The following DCLK1 variants were observed in gnomAD, a reference collection of about 807,000 sequenced individuals.
DCLK1 encodes the protein doublecortin like kinase 1, also known as serine/threonine-protein kinase DCLK1.
DCLK1 carries 16 observed loss-of-function variants against 86.2 expected under a neutral mutation model. The observed-to-expected ratio is 0.19, with a 90% CI of 0.13 to 0.28. The LOEUF is 0.28. Ranked by LOEUF, DCLK1 falls within the 10% of genes least tolerant of loss-of-function variation. The pLI is 1.00. For missense variants in DCLK1, 590 were observed against 940.2 expected (o/e 0.63, Z 4.87); for synonymous variants, 369 against 370.5 (o/e 1.00, Z 0.05).
At position 35,965,060 on chromosome 13, in the gene DCLK1, T is replaced by C. The variant is rs553517311; in HGVS notation, c.724-17603A>G. Among the ~76,000 whole-genome samples the C allele has an allele frequency of 7.9e-5, 12 of 152,302 alleles. No individual in the cohort carries two copies. The South Asian group carries it at 2.5e-3, about 32-fold the overall frequency. ...AGCCATAACTTAAGTTGCTCTAACA[T>C]GAAATCTGCAAGTTCCTTTACATCA... On this transcript the variant is annotated intron_variant, in intron 3 of 16. Transcript: ENST00000360631.
At chr13:35,913,818 T>C (rs762990668) in intron 4 of DCLK1, among the ~76,000 whole-genome samples, 6 of 152,082 alleles carry the variant, frequency 3.9e-5, no homozygotes, top group Non-Finnish European at 7.4e-5. Flanking sequence ...TACGGAAGCA[T>C]AATATATAAA....
At position 36,104,631 on chromosome 13, in the gene DCLK1, G is replaced by A. The variant is rs73165317; in HGVS notation, c.723+7238C>T. On this transcript the variant is annotated intron_variant, in intron 3 of 16. Coordinates refer to ENST00000360631, the MANE Select transcript of DCLK1 (RefSeq NM_001330071.2). ...CATCAATATAAATATATATAGCAAC[G>A]AGTCCAATGCCAGGCACAGAGAAGG... 1.9e-3 allele frequency among the ~76,000 whole-genome samples: 283 copies of A among 151,810 alleles called. 1 individual carries two copies. The highest frequency in any genetic ancestry group is 2.1e-3 in the Non-Finnish European group (146 of 67,964).
chr13:35,775,018 A>T (rs1047869092), intron 16 of DCLK1, among the ~76,000 whole-genome samples: 2 of 152,180 alleles, frequency 1.3e-5, no homozygotes, highest in African/African-American at 4.8e-5. Flanking sequence ...GGCTAGCCAG[A>T]GGACACTCCC....
At chr13:36,001,586 G>T (rs1435651838) in intron 3 of DCLK1, among the ~76,000 whole-genome samples, 5 of 152,112 alleles carry the variant, frequency 3.3e-5, no homozygotes, top group African/African-American at 1.2e-4. Flanking sequence ...TCTGCCAGAA[G>T]ACATCTCATT....
chr13:35,892,312 G>A (rs1873694824), intron 4 of DCLK1, among the ~76,000 whole-genome samples: 2 of 152,158 alleles, frequency 1.3e-5, no homozygotes. Flanking sequence ...ATTCCCAACA[G>A]CTTTTGATGA....
chr13:36,130,786 C>T (rs1431205138), intron 1 of DCLK1, among the ~76,000 whole-genome samples: 3 of 152,216 alleles, frequency 2.0e-5, no homozygotes, highest in Non-Finnish European at 2.9e-5. Context: ...TCTCCCAGCT[C>T]CTCCGCCCTG....
intron 3 of DCLK1, among the ~76,000 whole-genome samples, chr13:35,954,167 C>A (rs1187474947): frequency 6.6e-6 from 1 of 151,896 alleles, no homozygotes; most frequent in East Asian, 1.9e-4. Context: ...CTGTAGCTAA[C>A]AGTTTAATGA....
At chr13:35,890,707 C>T (rs149644314) in intron 4 of DCLK1, among the ~76,000 whole-genome samples, 11 of 152,066 alleles carry the variant, frequency 7.2e-5, no homozygotes, top group Non-Finnish European at 1.2e-4. Context: ...AGCTTCTCCA[C>T]GCTTTGACAA....
chr13:36,117,272 G>C (rs751440237), intron 2 of DCLK1, among the ~76,000 whole-genome samples: 10 of 151,900 alleles, frequency 6.6e-5, no homozygotes, highest in South Asian at 2.1e-4. Flanking sequence ...AAAATACAGG[G>C]TACAAAAATA....
intron 3 of DCLK1, among the ~76,000 whole-genome samples, chr13:36,107,862 G>T (rs1262870597): frequency 6.6e-6 from 1 of 151,962 alleles, no homozygotes; most frequent in African/African-American, 2.4e-5. Flanking sequence ...ACTCCAAATG[G>T]CCTCTGGGAG....
intron 6 of DCLK1, among the ~76,000 whole-genome samples, chr13:35,842,267 G>A (rs1039961714): frequency 2.8e-5 from 4 of 140,958 alleles, no homozygotes; most frequent in Non-Finnish European, 6.1e-5. Context: ...AAGTTCTTCT[G>A]TAAGTTATGT....
chr13:35,773,927 C>G lies in DCLK1; in HGVS notation c.*608G>C, dbSNP rs2086376176. On this transcript the variant is annotated 3_prime_UTR_variant, in exon 17 of 17. Coordinates refer to ENST00000360631, the MANE Select transcript of DCLK1 (RefSeq NM_001330071.2). ...CCCTCCACTTGGGATGCAGAACTCA[C>G]TGCAACTGACAGTCATATCTCTAAT... The G allele has an allele frequency of 6.6e-6, 1 of 152,170 alleles. No individual in the cohort carries two copies. Among genetic ancestry groups the G allele is most frequent in the Admixed American group, 6.5e-5 (1 of 15,272 alleles). The allele number at this position is 152,170 out of a possible 1,614,324, so 9.4% of individuals were successfully genotyped here.
At chr13:35,987,563 T>C (rs1879988716) in intron 3 of DCLK1, among the ~76,000 whole-genome samples, 1 of 152,128 alleles carries the variant, frequency 6.6e-6, no homozygotes, top group Non-Finnish European at 1.5e-5. Context: ...ATTGCATGCC[T>C]GTATCAAAAT....
rs140627610 is a variant in DCLK1 at position 35,854,720 on chromosome 13, A to G, written c.941-127T>C. 3.0e-4 allele frequency: 197 copies of G among 657,820 alleles called. 1 individual carries two copies. The East Asian group carries it at 5.0e-3, about 17-fold the overall frequency. 40.7% of individuals were successfully genotyped at this position (657,820 alleles called of 1,614,324 possible). A position where few individuals can be genotyped will look rare whatever the true frequency, so the allele number is the denominator to read the frequency against. Reference sequence around the variant, plus strand: ...CTACTAGAACTCTAGACACCCTTCCATATGTACACTGAGGAACAGCTTTGG... The same window carrying G: ...CTACTAGAACTCTAGACACCCTTCCGTATGTACACTGAGGAACAGCTTTGG... On this transcript the variant is annotated intron_variant, in intron 5 of 16. Transcript: ENST00000360631.
intron 3 of DCLK1, among the ~76,000 whole-genome samples, chr13:36,063,471 C>A (rs759438551): frequency 6.6e-6 from 1 of 152,086 alleles, no homozygotes; most frequent in East Asian, 1.9e-4. Context: ...AAAATATGCA[C>A]AGTTACTCTG....
At chr13:35,935,241 CAGACT>C (rs1362037103) in intron 4 of DCLK1, among the ~76,000 whole-genome samples, 1 of 152,184 alleles carries the variant, frequency 6.6e-6, no homozygotes, top group Non-Finnish European at 1.5e-5. Flanking sequence ...ATAACCCAGT[CAGACT>C]ACAACTGCCC....
At chr13:35,826,546 A>G (rs375238425) in intron 10 of DCLK1, among the ~76,000 whole-genome samples, 859 of 22,872 alleles carry the variant, frequency 0.038, 114 homozygotes, top group Non-Finnish European at 0.076. Flanking sequence ...AAAAAAAGAA[A>G]GAAAGAAAGA....
At chr13:35,808,825 G>T (rs1314957644) in intron 13 of DCLK1, among the ~76,000 whole-genome samples, 193 bp downstream of exon 13, 1 of 151,896 alleles carries the variant, frequency 6.6e-6, no homozygotes, top group Non-Finnish European at 1.5e-5. Flanking sequence ...AGTTTTTAAT[G>T]ATATGGGGAA....
At position 35,950,825 on chromosome 13, in the gene DCLK1, C is replaced by T. The variant is rs78245926; in HGVS notation, c.724-3368G>A. ...CCAGGAGAGTTGATGTTGTCAGAGC[C>T]TGCTCTTCTCTGTGGTTTCACTACG... On this transcript the variant is annotated intron_variant, in intron 3 of 16. Coordinates refer to ENST00000360631, the MANE Select transcript of DCLK1 (RefSeq NM_001330071.2). Among the ~76,000 whole-genome samples, 655 of 152,240 alleles carry T rather than the reference C, an allele frequency of 4.3e-3. 2 individuals are homozygous for T. The highest frequency in any genetic ancestry group is 7.3e-3 in the Non-Finnish European group (497 of 68,032).
Sources: gnomAD v4.1 joint callset for allele counts (sites outside exome capture counted in the v4.1 genomes callset) on GRCh38, gnomAD v4.1.1 for gene constraint, MANE v1.5 for transcripts, NCBI Gene and HGNC (gene_info 2026-07-23, HGNC 2026-07-21) for gene names.